SANBR: variants seen among roughly 807,000 people sequenced by gnomAD.
SANBR encodes the protein SANT and BTB domain regulator of CSR.
Under a neutral mutation model 101.8 loss-of-function variants are expected in SANBR, and 77 were observed. The ratio of observed to expected loss-of-function variants is 0.76; its 90% CI spans 0.63 to 0.91. The LOEUF is 0.91. Ranked by LOEUF, SANBR falls within the 40% of genes least tolerant of loss-of-function variation. SANBR has a pLI of 0.00. For synonymous variants in SANBR, 279 were observed against 274.7 expected, an observed-to-expected ratio of 1.02 and a Z score of -0.15; for missense variants, 875 against 853.0, an observed-to-expected ratio of 1.03 and a Z score of -0.32.
At chr2:61,124,330 A>T (rs1684451411), downstream of SANBR, 1 of 844,026 alleles carries the variant, frequency 1.2e-6, no homozygotes, top group African/African-American at 1.8e-5. Flanking sequence ...CTCAGAAAAA[A>T]AGTCTGGAGT....
downstream of SANBR, among the ~76,000 whole-genome samples, chr2:61,128,830 C>T (rs979866655): frequency 3.3e-5 from 5 of 152,008 alleles, no homozygotes; most frequent in Non-Finnish European, 7.4e-5. Context: ...GACATAGTGG[C>T]ACACACCTGT....
chr2:61,068,697 C>G (rs1046900167), intron 1 of SANBR, among the ~76,000 whole-genome samples, 152 bp from the exon 2 acceptor site: 1 of 152,164 alleles, frequency 6.6e-6, no homozygotes, highest in Non-Finnish European at 1.5e-5. Context: ...TTATCTGTCA[C>G]ATTAATCTTT....
At position 61,112,531 on chromosome 2, in the gene SANBR, C is replaced by T. The variant is rs369818439; in HGVS notation, c.1744+3235C>T. ...TTTTTTTTTGAGATAGAGTCTTGTTCTGTCATCCAGGCTGGAGTGTAGAGG... is the reference window on the plus strand; with the variant it reads ...TTTTTTTTTGAGATAGAGTCTTGTTTTGTCATCCAGGCTGGAGTGTAGAGG... On this transcript the variant is annotated intron_variant, in intron 16 of 21. Coordinates refer to ENST00000402291, the MANE Select transcript of SANBR (RefSeq NM_001129993.3). Among the ~76,000 whole-genome samples, 10 of 148,724 alleles carry T rather than the reference C, an allele frequency of 6.7e-5. No homozygotes were observed. The East Asian group carries it at 1.6e-3, about 23-fold the overall frequency.
chr2:61,068,826 C>G (rs1436497425), intron 1 of SANBR, 23 bp from the exon 2 acceptor site: 2 of 152,296 alleles, frequency 1.3e-5, no homozygotes, highest in African/African-American at 4.8e-5. Flanking sequence ...AAGCTAGCTA[C>G]TATTATTATC....
intron 21 of SANBR, among the ~76,000 whole-genome samples, chr2:61,135,338 C>A (rs1293065198): frequency 6.6e-6 from 1 of 152,120 alleles, no homozygotes. Context: ...CATATAATAC[C>A]ATAAGTATAT....
intron 16 of SANBR, among the ~76,000 whole-genome samples, chr2:61,110,507 C>T (rs975912491): frequency 2.6e-5 from 4 of 152,156 alleles, no homozygotes; most frequent in African/African-American, 9.7e-5. Flanking sequence ...TGGTGAAACC[C>T]GGTCTCTACA....
intron 20 of SANBR, among the ~76,000 whole-genome samples, chr2:61,130,945 A>AAAAG (rs1684670526): frequency 1.3e-5 from 2 of 149,316 alleles, no homozygotes; most frequent in Non-Finnish European, 3.0e-5. Context: ...AAAAAAAAAA[A>AAAAG]AAAAAAAAAA....
At chr2:61,066,900 G>A (rs1681204884) in intron 1 of SANBR, among the ~76,000 whole-genome samples, 1 of 151,992 alleles carries the variant, frequency 6.6e-6, no homozygotes, top group African/African-American at 2.4e-5. Flanking sequence ...TAAACATATT[G>A]GATTTTTATT....
Position 61,070,470 on chromosome 2 carries a change from A to G in SANBR, c.120A>G (p.Ala40=), listed in dbSNP as rs751484928. The change falls in exon 3 of 22, where the codon GCA becomes GCG. Residue 40 remains alanine, a synonymous_variant. Coordinates refer to ENST00000402291, the MANE Select transcript of SANBR (RefSeq NM_001129993.3). ...AGACTATCAACTGGGAAACTATAGC[A>G]AGGCTCGTGCCTGGATTAACACCAA... is the stretch of plus-strand genomic sequence containing the variant. ...IPQTINWETI[A]RLVPGLTPKE... The G allele has an allele frequency of 8.7e-6, 14 of 1,603,522 alleles. No homozygotes were observed. The highest frequency in any genetic ancestry group is 1.6e-4 in the Middle Eastern group (1 of 6,062).
chr2:61,083,456 G>GCCAAGAT, intron 8 of SANBR, 142 bp downstream of exon 8: 1 of 621,026 alleles, frequency 1.6e-6, no homozygotes, highest in Non-Finnish European at 2.7e-6. Flanking sequence ...GAGTGCAGTG[G>GCCAAGAT]TGCAATCTTG....
At chr2:61,133,179 G>A (rs1218644253) in intron 20 of SANBR, among the ~76,000 whole-genome samples, 2 of 152,144 alleles carry the variant, frequency 1.3e-5, no homozygotes, top group Non-Finnish European at 2.9e-5. Flanking sequence ...TTGAACCTAG[G>A]AGGTGGAGGT....
intron 21 of SANBR, among the ~76,000 whole-genome samples, chr2:61,137,247 C>T (rs1485924217): frequency 6.6e-6 from 1 of 151,996 alleles, no homozygotes; most frequent in Non-Finnish European, 1.5e-5. Context: ...CACTGTATTC[C>T]AGTCTCCAGT....
chr2:61,079,603 A>G (rs1045702264), intron 6 of SANBR, among the ~76,000 whole-genome samples: 1 of 152,350 alleles, frequency 6.6e-6, no homozygotes, highest in Admixed American at 6.5e-5. Flanking sequence ...CTAACCAGCT[A>G]TAATATGTAT....
At chr2:61,103,806 T>C (rs781312257) in intron 12 of SANBR, 47 bp from the exon 13 acceptor site, 1 of 1,545,422 alleles carries the variant, frequency 6.5e-7, no homozygotes, top group South Asian at 1.1e-5. Context: ...TTTAAAGGAG[T>C]GTTCTATAAC....
downstream of SANBR, among the ~76,000 whole-genome samples, chr2:61,128,048 G>A (rs927990357): frequency 7.2e-5 from 11 of 151,992 alleles, no homozygotes; most frequent in South Asian, 4.2e-4. Flanking sequence ...TGAGGTGGGC[G>A]GATCATGAGG....
intron 8 of SANBR, among the ~76,000 whole-genome samples, chr2:61,083,817 C>T (rs1486342132): frequency 3.3e-5 from 5 of 150,386 alleles, no homozygotes; most frequent in South Asian, 4.2e-4. Flanking sequence ...TGCAGTGAGC[C>T]GAGATCACGC....
intron 16 of SANBR, among the ~76,000 whole-genome samples, chr2:61,109,729 C>T (rs532228285): frequency 1.1e-4 from 14 of 132,642 alleles, no homozygotes; most frequent in Admixed American, 8.8e-4. Context: ...GTCACAGTGG[C>T]GCAATCTTGG....
intron 8 of SANBR, among the ~76,000 whole-genome samples, chr2:61,084,059 T>A (rs1318122535): frequency 6.6e-6 from 1 of 152,052 alleles, no homozygotes; most frequent in Non-Finnish European, 1.5e-5. Context: ...GCTCAAGCGA[T>A]CCTTCCACCT....
intron 11 of SANBR, among the ~76,000 whole-genome samples, chr2:61,095,484 T>G (rs992467187): frequency 6.6e-6 from 1 of 152,224 alleles, no homozygotes; most frequent in African/African-American, 2.4e-5. Flanking sequence ...TATAAACTAT[T>G]CTTTAATGCA....
Sources: gnomAD v4.1 joint callset for allele counts (sites outside exome capture counted in the v4.1 genomes callset) on GRCh38, gnomAD v4.1.1 for gene constraint, MANE v1.5 for transcripts, NCBI Gene and HGNC (gene_info 2026-07-23, HGNC 2026-07-21) for gene names.